The following CAMTA1 variants were observed in gnomAD, a reference collection of about 807,000 sequenced individuals.
CAMTA1 encodes the protein calmodulin-binding transcription activator 1.
A neutral mutation model predicts 170.9 loss-of-function variants in CAMTA1; 27 were observed. That is an observed-to-expected ratio of 0.16 (90% CI 0.12 to 0.22). The LOEUF is 0.22. Among genes scored for constraint, CAMTA1 ranks in the 10% least tolerant of loss-of-function variants. The pLI is 1.00. For missense variants in CAMTA1, 1,619 were observed against 2,217.2 expected (o/e 0.73, Z 5.42); for synonymous variants, 833 against 891.5 (o/e 0.93, Z 1.17).
chr1:7,242,782 A>ATAAG (rs1351110373), intron 4 of CAMTA1, among the ~76,000 whole-genome samples: 1 of 34,830 alleles, frequency 2.9e-5, no homozygotes, highest in African/African-American at 6.0e-5. Context: ...AAATAAATAA[A>ATAAG]TAAATAAATA....
In CAMTA1 at chr1:7,455,641, G is replaced by A. The variant is rs566605115; in HGVS notation, c.439-12189G>A. ...GCAGCCGCACATGTTGGAGTGTGCC[G>A]TGGATACCTACGTGGCGTCACAGGT... On this transcript the variant is annotated intron_variant, in intron 5 of 22. Coordinates refer to ENST00000303635, the MANE Select transcript of CAMTA1 (RefSeq NM_015215.4). The surrounding 1 kb of genome is among the most constrained non-coding windows in gnomAD (Gnocchi z 5.0). Among the ~76,000 whole-genome samples, 21 of 152,338 alleles carry A rather than the reference G, an allele frequency of 1.4e-4. No individual in the cohort carries two copies. The highest frequency in any genetic ancestry group is 1.3e-3 in the Admixed American group (20 of 15,310).
At position 7,247,498 on chromosome 1, in the gene CAMTA1, C is replaced by T. The variant is rs546652795; in HGVS notation, c.303-1993C>T. On this transcript the variant is annotated intron_variant, in intron 4 of 22. Coordinates refer to ENST00000303635, the MANE Select transcript of CAMTA1 (RefSeq NM_015215.4). ...CAAGAGGCTAGATTGGATCAACGTC[C>T]AGTCTTCTCCTTGGATGGAGTATCT... Among the ~76,000 whole-genome samples, 6 of 152,352 alleles carry T rather than the reference C, an allele frequency of 3.9e-5. No individual in the cohort carries two copies. In the East Asian group the frequency reaches 1.2e-3, roughly 29 times the overall value.
At chr1:7,703,312 G>A (rs115569408) in intron 11 of CAMTA1, among the ~76,000 whole-genome samples, 3,190 of 152,230 alleles carry the variant, frequency 0.021, 69 homozygotes, top group African/African-American at 0.056. Context: ...CCCGGGGGGC[G>A]GGCGAGGGGT....
intron 5 of CAMTA1, among the ~76,000 whole-genome samples, chr1:7,279,227 A>G: frequency 6.6e-6 from 1 of 152,220 alleles, no homozygotes; most frequent in East Asian, 1.9e-4. Flanking sequence ...GGGCAGTGTC[A>G]TCCTCTGATT....
Position 7,593,947 on chromosome 1 carries a change from C to A in CAMTA1, c.511-46453C>A, listed in dbSNP as rs532014009. On this transcript the variant is annotated intron_variant, in intron 6 of 22. Coordinates refer to ENST00000303635, the MANE Select transcript of CAMTA1 (RefSeq NM_015215.4). ...ATCTCAGCTACTCAGGAGGCTGAGG[C>A]AGGAGAATTGCTTGAACCTGGGAGG... Among the ~76,000 whole-genome samples, 9 of 151,128 alleles carry A rather than the reference C, an allele frequency of 6.0e-5. No individual in the cohort carries two copies. The South Asian group carries it at 1.3e-3, about 21-fold the overall frequency.
chr1:7,719,209 TG>T (rs2096633362), intron 11 of CAMTA1, among the ~76,000 whole-genome samples: 1 of 152,170 alleles, frequency 6.6e-6, no homozygotes, highest in Non-Finnish European at 1.5e-5. Flanking sequence ...TCCTGCGTGG[TG>T]GAGGTGCCGT....
At chr1:7,017,511 A>G (rs181305209) in intron 3 of CAMTA1, among the ~76,000 whole-genome samples, 3 of 152,334 alleles carry the variant, frequency 2.0e-5, no homozygotes, top group Non-Finnish European at 4.4e-5. Context: ...TTAAGTACCT[A>G]CTATGTGTAG....
chr1:7,040,723 C>CTTT (rs1277626911), intron 3 of CAMTA1, among the ~76,000 whole-genome samples: 2 of 141,666 alleles, frequency 1.4e-5, no homozygotes, highest in Non-Finnish European at 1.5e-5. Context: ...GGATCTCCCT[C>CTTT]TTTTTTTTTT....
intron 3 of CAMTA1, among the ~76,000 whole-genome samples, chr1:7,087,823 T>C (rs1342412664): frequency 6.6e-6 from 1 of 152,252 alleles, no homozygotes; most frequent in Non-Finnish European, 1.5e-5. Context: ...ATGACACAGA[T>C]GGTGAAGTCC....
intron 6 of CAMTA1, among the ~76,000 whole-genome samples, chr1:7,506,640 AAC>A (rs1262693143): frequency 2.0e-5 from 3 of 151,596 alleles, no homozygotes; most frequent in Admixed American, 2.0e-4. Context: ...CATTCACACT[AAC>A]ACCTCATGCT....
chr1:7,683,218 G>A (rs1399501614), intron 11 of CAMTA1, among the ~76,000 whole-genome samples: 2 of 150,872 alleles, frequency 1.3e-5, no homozygotes, highest in African/African-American at 4.9e-5. Context: ...AATGTACACT[G>A]AGAACACATT....
chr1:7,009,336 G>A (rs573654456), intron 3 of CAMTA1, among the ~76,000 whole-genome samples: 1 of 152,288 alleles, frequency 6.6e-6, no homozygotes, highest in East Asian at 1.9e-4. Context: ...CCCAGAGGCG[G>A]CATCGTGGGT....
At chr1:7,058,778 C>T (rs1304098823) in intron 3 of CAMTA1, among the ~76,000 whole-genome samples, 1 of 152,144 alleles carries the variant, frequency 6.6e-6, no homozygotes, top group Non-Finnish European at 1.5e-5. Context: ...TAGCTGTTAT[C>T]CTGGTGCCAT....
chr1:7,453,288 C>T (rs2092874007), intron 5 of CAMTA1, among the ~76,000 whole-genome samples: 1 of 152,218 alleles, frequency 6.6e-6, no homozygotes, highest in African/African-American at 2.4e-5. Context: ...CACGGGGTGA[C>T]TGTGGCTTTG....
At chr1:6,991,894 G>T (rs1447755529) in intron 3 of CAMTA1, among the ~76,000 whole-genome samples, 1 of 152,034 alleles carries the variant, frequency 6.6e-6, no homozygotes, top group African/African-American at 2.4e-5. Flanking sequence ...TAGAGATGTG[G>T]TTTTGCCATG....
rs183075763 is a variant in CAMTA1 at position 6,847,797 on chromosome 1, G to A, written c.234+22587G>A. ...CTGCTCACTGCAACCTCCGTCTCCC[G>A]GGTTCAAGTGATTCTTCTGTCTCAG... is the stretch of plus-strand genomic sequence containing the variant. On this transcript the variant is annotated intron_variant, in intron 3 of 22. Coordinates refer to ENST00000303635, the MANE Select transcript of CAMTA1 (RefSeq NM_015215.4). 3.8e-3 allele frequency among the ~76,000 whole-genome samples: 578 copies of A among 151,650 alleles called. 5 individuals are homozygous for A. The highest frequency in any genetic ancestry group is 0.013 in the African/African-American group (537 of 41,340).
intron 5 of CAMTA1, among the ~76,000 whole-genome samples, chr1:7,269,535 A>T (rs1348098126): frequency 2.0e-5 from 3 of 152,246 alleles, no homozygotes; most frequent in African/African-American, 7.2e-5. Context: ...GGGATTGAAT[A>T]CCAGGCAGTA....
chr1:7,041,165 C>T lies in CAMTA1; in HGVS notation c.235-50139C>T, dbSNP rs1281621359. Among the ~76,000 whole-genome samples the T allele has an allele frequency of 2.6e-5, 4 of 152,262 alleles. No individual in the cohort carries two copies. The highest frequency in any genetic ancestry group is 3.8e-4 in the East Asian group (2 of 5,198). ...GTTGGCCCCAAGCCAGTGCGGGCGA[C>T]GGTGTCAGCCACCCTTGGTTCATTT... is the stretch of plus-strand genomic sequence containing the variant. On this transcript the variant is annotated intron_variant, in intron 3 of 22. Coordinates refer to ENST00000303635, the MANE Select transcript of CAMTA1 (RefSeq NM_015215.4). This position sits in a 1 kb window ranked among gnomAD's most constrained non-coding sequence, Gnocchi z 5.1.
chr1:7,374,063 G>A (rs845216), intron 5 of CAMTA1, among the ~76,000 whole-genome samples: 13 of 152,158 alleles, frequency 8.5e-5, no homozygotes, highest in African/African-American at 1.9e-4. Flanking sequence ...CTGCCTCCCC[G>A]CCTCACTGGC....
Sources: allele counts gnomAD v4.1 joint callset (sites outside exome capture counted in the v4.1 genomes callset), GRCh38; gene constraint gnomAD v4.1.1; non-coding constraint Gnocchi (gnomAD v3.1); transcripts MANE v1.5; gene names NCBI Gene and HGNC (gene_info 2026-07-23, HGNC 2026-07-21).